Variants in RALGAPA2 observed in about 807,000 individuals in gnomAD.
RALGAPA2 encodes ral GTPase-activating protein subunit alpha-2.
In RALGAPA2, 139 loss-of-function variants were observed where a neutral mutation model predicts 230.4. The ratio of observed to expected loss-of-function variants is 0.60; its 90% CI spans 0.53 to 0.69. The LOEUF (loss-of-function observed/expected upper bound fraction) is 0.69, where lower values mean the gene tolerates loss of function less well. Among genes scored for constraint, RALGAPA2 ranks in the 30% least tolerant of loss-of-function variants. The probability of loss-of-function intolerance (pLI) is 0.00; values close to 1 mark genes in which losing one functional copy is unlikely to be tolerated. For synonymous variants in RALGAPA2, 847 were observed against 837.8 expected, an observed-to-expected ratio of 1.01 and a Z score of -0.19; for missense variants, 2,163 against 2,276.0, an observed-to-expected ratio of 0.95 and a Z score of 1.01.
At position 20,495,267 on chromosome 20, in the gene RALGAPA2, G is replaced by A; in HGVS notation, c.5217C>T (p.His1739=). ...CGATATGGACCTCGTCATTCCCCAA[G>A]TGACGAAGCTGCAACAGCAAATTGA... ...SDDSLTKKLR[H]LGNDEVHIVW... Residue 1739 remains histidine (H), a synonymous_variant, in exon 36 of 40, where the codon CAC becomes CAT. Transcript: ENST00000202677. The A allele has an allele frequency of 6.6e-7, 1 of 1,520,886 alleles. No individual in the cohort carries two copies. Among genetic ancestry groups the A allele is most frequent in the Non-Finnish European group, 8.9e-7 (1 of 1,117,930 alleles). 94.2% of individuals were successfully genotyped at this position (1,520,886 alleles called of 1,614,324 possible). A position where few individuals can be genotyped will look rare whatever the true frequency, so the allele number is the denominator to read the frequency against.
rs185596029 is a variant in RALGAPA2 at position 20,491,913 on chromosome 20, G to A, written c.5367+3204C>T. On this transcript the variant is annotated intron_variant, in intron 36 of 39. Coordinates refer to ENST00000202677, the MANE Select transcript of RALGAPA2 (RefSeq NM_020343.4). Reference sequence around the variant, plus strand: ...CCACTCAGATGAGAGGGTTTTATGCGTTCACACAAGCACACCCACACTTCT... The same window carrying A: ...CCACTCAGATGAGAGGGTTTTATGCATTCACACAAGCACACCCACACTTCT... Among the ~76,000 whole-genome samples, 119 of 151,936 alleles carry A rather than the reference G, an allele frequency of 7.8e-4. 1 individual carries two copies. Among genetic ancestry groups the A allele is most frequent in the Admixed American group, 3.6e-3 (55 of 15,274 alleles).
chr20:20,635,800 T>C (rs1422643598), intron 8 of RALGAPA2, among the ~76,000 whole-genome samples, 183 bp from the exon 9 acceptor site: 2 of 152,226 alleles, frequency 1.3e-5, no homozygotes, highest in Non-Finnish European at 2.9e-5. Context: ...TTCCGCCTTG[T>C]GATCTGACTG....
intron 33 of RALGAPA2, 144 bp downstream of exon 33, chr20:20,511,110 G>A (rs1424817800): frequency 3.8e-6 from 5 of 1,328,670 alleles, no homozygotes; most frequent in Non-Finnish European, 4.0e-6. Context: ...CAACGGTATG[G>A]CATGCGCAAA....
intron 1 of RALGAPA2, among the ~76,000 whole-genome samples, chr20:20,692,476 T>C (rs1368478967): frequency 6.6e-6 from 1 of 152,074 alleles, no homozygotes; most frequent in Non-Finnish European, 1.5e-5. Context: ...AGAGCCTCCA[T>C]TTGCTCAGGG....
intron 15 of RALGAPA2, among the ~76,000 whole-genome samples, chr20:20,603,436 C>T (rs917064272): frequency 6.6e-6 from 1 of 152,164 alleles, no homozygotes; most frequent in African/African-American, 2.4e-5. Flanking sequence ...GTATCCACAT[C>T]CTCTGTTGTT....
At chr20:20,474,071 G>T (rs1277933521) in intron 36 of RALGAPA2, among the ~76,000 whole-genome samples, 1 of 152,150 alleles carries the variant, frequency 6.6e-6, no homozygotes, top group Non-Finnish European at 1.5e-5. Context: ...AATAAAGCAG[G>T]GAAGAGCAAT....
At chr20:20,689,326 A>G (rs1216740117) in intron 1 of RALGAPA2, among the ~76,000 whole-genome samples, 3 of 152,246 alleles carry the variant, frequency 2.0e-5, no homozygotes, top group African/African-American at 4.8e-5. Context: ...CTATGAGTAA[A>G]TATTACCAAA....
At position 20,396,559 on chromosome 20, in the gene RALGAPA2, C is replaced by T. The variant is rs549609534; in HGVS notation, c.*35+136G>A. ...TGCAGGGGCAGGAGTGTGGGCAGGG[C>T]CCCCGGGGAGGGGAAGGCCCAGGAG... On this transcript the variant is annotated intron_variant, in intron 39 of 39. Transcript: ENST00000202677. 73 of 746,952 alleles carry T rather than the reference C, an allele frequency of 9.8e-5. No individual in the cohort carries two copies. In the East Asian group the frequency reaches 2.2e-3, roughly 22 times the overall value. 46.3% of individuals were successfully genotyped at this position (746,952 alleles called of 1,614,324 possible).
chr20:20,577,035 C>T (rs1350635041), intron 20 of RALGAPA2, among the ~76,000 whole-genome samples: 3 of 152,100 alleles, frequency 2.0e-5, no homozygotes. Context: ...TTGAATAGAA[C>T]ACATTGTGTT....
chr20:20,585,542 T>C (rs1357381730), intron 18 of RALGAPA2, among the ~76,000 whole-genome samples: 2 of 152,220 alleles, frequency 1.3e-5, no homozygotes, highest in African/African-American at 4.8e-5. Flanking sequence ...ATAATTATAA[T>C]GTATATAAGC....
intron 39 of RALGAPA2, among the ~76,000 whole-genome samples, chr20:20,394,882 A>T (rs1236020629): frequency 6.9e-6 from 1 of 144,138 alleles, no homozygotes; most frequent in Non-Finnish European, 1.5e-5. Context: ...TGATTCTAAT[A>T]AATAAGCAAA....
intron 20 of RALGAPA2, among the ~76,000 whole-genome samples, chr20:20,574,792 TTCCTC>T (rs2064767433): frequency 6.6e-6 from 1 of 152,144 alleles, no homozygotes; most frequent in Non-Finnish European, 1.5e-5. Context: ...ACCAAGCACA[TTCCTC>T]TAATCTCTCG....
chr20:20,601,182 G>C (rs1348120640), intron 16 of RALGAPA2, among the ~76,000 whole-genome samples: 1 of 152,142 alleles, frequency 6.6e-6, no homozygotes, highest in African/African-American at 2.4e-5. Flanking sequence ...ATTAACTGGG[G>C]GTTGTTGGTC....
At chr20:20,411,906 T>C (rs1390916739) in intron 38 of RALGAPA2, 121 bp downstream of exon 38, 2 of 1,312,180 alleles carry the variant, frequency 1.5e-6, no homozygotes, top group East Asian at 2.4e-5. Context: ...TATTCATTAG[T>C]TGATTCAGAG....
At chr20:20,515,941 C>T (rs2062857879) in intron 31 of RALGAPA2, among the ~76,000 whole-genome samples, 1 of 152,156 alleles carries the variant, frequency 6.6e-6, no homozygotes, top group African/African-American at 2.4e-5. Context: ...AGCTTATGGC[C>T]TGCGGCAGAT....
intron 13 of RALGAPA2, among the ~76,000 whole-genome samples, chr20:20,613,399 T>C (rs1434109658): frequency 6.6e-6 from 1 of 152,206 alleles, no homozygotes; most frequent in Non-Finnish European, 1.5e-5. Context: ...TTATTCCCTA[T>C]TTCAGGACCA....
At chr20:20,689,723 G>A (rs1460851822) in intron 1 of RALGAPA2, among the ~76,000 whole-genome samples, 1 of 152,134 alleles carries the variant, frequency 6.6e-6, no homozygotes, top group Non-Finnish European at 1.5e-5. Context: ...AATTGGTAGA[G>A]ATCACAAAAA....
At chr20:20,705,585 T>C (rs905629624) in intron 1 of RALGAPA2, among the ~76,000 whole-genome samples, 4 of 152,238 alleles carry the variant, frequency 2.6e-5, no homozygotes, top group Non-Finnish European at 5.9e-5. Flanking sequence ...CAATAATTTA[T>C]ATGCCTTCTT....
intron 3 of RALGAPA2, among the ~76,000 whole-genome samples, chr20:20,653,950 T>C (rs1603206347): frequency 6.6e-6 from 1 of 152,182 alleles, no homozygotes; most frequent in African/African-American, 2.4e-5. Context: ...CACCATCTCC[T>C]TCCCATTTTC....
Sources: allele counts gnomAD v4.1 joint callset (sites outside exome capture counted in the v4.1 genomes callset), GRCh38; gene constraint gnomAD v4.1.1; transcripts MANE v1.5; gene names NCBI Gene and HGNC (gene_info 2026-07-23, HGNC 2026-07-21).